ZNF609: variants seen among roughly 807,000 people sequenced by gnomAD.
ZNF609 encodes zinc finger protein 609.
Under a neutral mutation model 109.5 loss-of-function variants are expected in ZNF609, and 11 were observed. That is an observed-to-expected ratio of 0.10 (90% CI 0.06 to 0.17). ZNF609 has a LOEUF of 0.17. Among genes scored for constraint, ZNF609 ranks in the 10% least tolerant of loss-of-function variants. The pLI, the probability that ZNF609 is intolerant of heterozygous loss-of-function variation, is 1.00. For synonymous variants in ZNF609, 646 were observed against 662.0 expected (o/e 0.98, Z 0.37); for missense variants, 1,559 against 1,772.4 (o/e 0.88, Z 2.16).
chr15:64,637,476 G>T (rs569391687), intron 3 of ZNF609, among the ~76,000 whole-genome samples: 1 of 152,178 alleles, frequency 6.6e-6, no homozygotes, highest in Non-Finnish European at 1.5e-5. Flanking sequence ...TTCCCAAAAT[G>T]TGTAAACCAA....
At chr15:64,640,833 T>A (rs991825602) in intron 3 of ZNF609, among the ~76,000 whole-genome samples, 12 of 152,286 alleles carry the variant, frequency 7.9e-5, no homozygotes, top group South Asian at 6.2e-4. Flanking sequence ...GATTTAAGGG[T>A]GTGGTGAAAC....
chr15:64,573,650 G>A (rs770745371), intron 2 of ZNF609, among the ~76,000 whole-genome samples: 8 of 151,756 alleles, frequency 5.3e-5, no homozygotes, highest in Non-Finnish European at 8.8e-5. Context: ...GGCGTCAGCC[G>A]CTGTGCCTGG....
chr15:64,603,075 C>G (rs1895530777), intron 2 of ZNF609, among the ~76,000 whole-genome samples: 1 of 151,624 alleles, frequency 6.6e-6, no homozygotes, highest in South Asian at 2.1e-4. Flanking sequence ...AGTTCCCATC[C>G]TTTGCATCCA....
At chr15:64,664,266 T>C (rs1896617353) in intron 3 of ZNF609, among the ~76,000 whole-genome samples, 2 of 152,164 alleles carry the variant, frequency 1.3e-5, no homozygotes, top group South Asian at 4.1e-4. Context: ...ACCTGACTAG[T>C]GCCTCATACA....
intron 2 of ZNF609, among the ~76,000 whole-genome samples, chr15:64,591,768 T>C (rs1895302340): frequency 6.6e-6 from 1 of 151,874 alleles, no homozygotes; most frequent in African/African-American, 2.4e-5. Flanking sequence ...GTCACTAGGC[T>C]GGAGTGCAGT....
intron 2 of ZNF609, chr15:64,501,269 T>C (rs1893558498): frequency 6.6e-6 from 1 of 152,216 alleles, no homozygotes; most frequent in Admixed American, 6.5e-5. Context: ...TGGATGTGTA[T>C]GTTTGGGTGG....
chr15:64,613,595 G>T (rs1474085456), intron 2 of ZNF609, among the ~76,000 whole-genome samples: 2 of 152,130 alleles, frequency 1.3e-5, no homozygotes, highest in African/African-American at 4.8e-5. Flanking sequence ...CTGTCGCACA[G>T]GCTGGAGTGC....
At chr15:64,543,255 CTTTTTTTT>C (rs77646116) in intron 2 of ZNF609, among the ~76,000 whole-genome samples, 2 of 113,316 alleles carry the variant, frequency 1.8e-5, no homozygotes, top group African/African-American at 3.4e-5. Context: ...TTTGTTGTTG[CTTTTTTTT>C]TTTTTTTTTT....
At chr15:64,529,103 G>A (rs1894016612) in intron 2 of ZNF609, 5 of 857,868 alleles carry the variant, frequency 5.8e-6, no homozygotes, top group Non-Finnish European at 9.8e-6. Flanking sequence ...TTCCCGGAGG[G>A]GCCATTTATA....
chr15:64,581,535 T>G (rs990140605), intron 2 of ZNF609, among the ~76,000 whole-genome samples: 8 of 151,960 alleles, frequency 5.3e-5, no homozygotes, highest in Admixed American at 6.6e-5. Context: ...CTGAGTCTGG[T>G]CAGATATAGA....
At chr15:64,633,796 G>A (rs1346171560) in intron 3 of ZNF609, among the ~76,000 whole-genome samples, 2 of 151,640 alleles carry the variant, frequency 1.3e-5, no homozygotes, top group East Asian at 3.9e-4. Flanking sequence ...CAGGAGAATC[G>A]CTTGAACCCG....
At chr15:64,576,997 AAT>A (rs757389866) in intron 2 of ZNF609, among the ~76,000 whole-genome samples, 6,317 of 123,272 alleles carry the variant, frequency 0.051, 1,704 homozygotes, top group South Asian at 0.081. Flanking sequence ...TATACACATA[AAT>A]ATATATATGT....
chr15:64,461,829 A>C (rs1044280402), intron 1 of ZNF609, among the ~76,000 whole-genome samples: 3 of 152,168 alleles, frequency 2.0e-5, no homozygotes, highest in African/African-American at 7.2e-5. Flanking sequence ...AAGCCCCTAC[A>C]GGCCTCCCTT....
At chr15:64,491,347 G>A (rs1893409348) in intron 1 of ZNF609, among the ~76,000 whole-genome samples, 2 of 152,172 alleles carry the variant, frequency 1.3e-5, no homozygotes, top group East Asian at 3.8e-4. Flanking sequence ...ATTGATTTCA[G>A]GGCAACATCT....
At chr15:64,528,555 T>C in intron 2 of ZNF609, 1 of 578,370 alleles carries the variant, frequency 1.7e-6, no homozygotes, top group Non-Finnish European at 3.1e-6. Flanking sequence ...GCATGGAAAC[T>C]GTGAGGAGGG....
chr15:64,460,340 A>C (rs905630094), upstream of ZNF609, among the ~76,000 whole-genome samples: 7 of 152,088 alleles, frequency 4.6e-5, no homozygotes, highest in Non-Finnish European at 8.8e-5. Flanking sequence ...GAGCTCTCTA[A>C]TCCAGGTTTC....
At chr15:64,502,640 T>G (rs1262034522) in intron 2 of ZNF609, 1 of 152,186 alleles carries the variant, frequency 6.6e-6, no homozygotes, top group African/African-American at 2.4e-5. Context: ...TTTGATATAA[T>G]CTAAGAATTG....
chr15:64,570,896 C>G (rs202113058), intron 2 of ZNF609, among the ~76,000 whole-genome samples: 1 of 151,918 alleles, frequency 6.6e-6, no homozygotes, highest in African/African-American at 2.4e-5. Flanking sequence ...TGTGGTGGCA[C>G]GCACCTGTAG....
intron 3 of ZNF609, among the ~76,000 whole-genome samples, chr15:64,651,547 C>A (rs932956021): frequency 6.6e-6 from 1 of 152,164 alleles, no homozygotes; most frequent in African/African-American, 2.4e-5. Flanking sequence ...AACTAGGAAA[C>A]CAGGTAACTG....
Sources: gnomAD v4.1 joint callset for allele counts (sites outside exome capture counted in the v4.1 genomes callset) on GRCh38, gnomAD v4.1.1 for gene constraint, MANE v1.5 for transcripts, NCBI Gene and HGNC (gene_info 2026-07-23, HGNC 2026-07-21) for gene names.